The following MECOM variants were observed in gnomAD, a reference collection of about 807,000 sequenced individuals.
MECOM encodes the protein MDS1 and EVI1 complex locus, also known as histone-lysine N-methyltransferase MECOM.
Under a neutral mutation model 116.3 loss-of-function variants are expected in MECOM, and 13 were observed. The ratio of observed to expected loss-of-function variants is 0.11; its 90% CI spans 0.07 to 0.18. MECOM has a LOEUF of 0.18. Among genes scored for constraint, MECOM ranks in the 10% least tolerant of loss-of-function variants. The pLI is 1.00. For synonymous variants in MECOM, 528 were observed against 535.2 expected (o/e 0.99, Z 0.19); for missense variants, 1,299 against 1,509.0 (o/e 0.86, Z 2.31).
chr3:169,206,624 G>A (rs1442601949), intron 2 of MECOM, among the ~76,000 whole-genome samples: 1 of 151,850 alleles, frequency 6.6e-6, no homozygotes, highest in African/African-American at 2.4e-5. Flanking sequence ...ATGGGGGCGG[G>A]TGCCTATAAT....
At chr3:169,605,088 ACT>A (rs923142219) in intron 1 of MECOM, among the ~76,000 whole-genome samples, 1 of 152,158 alleles carries the variant, frequency 6.6e-6, no homozygotes, top group Admixed American at 6.5e-5. Context: ...AGGTCAGAAA[ACT>A]CTGAGTGGGA....
At chr3:169,598,016 G>C (rs980896239) in intron 1 of MECOM, among the ~76,000 whole-genome samples, 8 of 152,138 alleles carry the variant, frequency 5.3e-5, no homozygotes, top group African/African-American at 1.9e-4. Context: ...AGTTGTCCAA[G>C]CTTTTGCCCC....
chr3:169,104,916 G>A (rs140135141), intron 10 of MECOM, among the ~76,000 whole-genome samples: 78 of 152,212 alleles, frequency 5.1e-4, no homozygotes, highest in African/African-American at 1.8e-3. Context: ...GGGCTTGATG[G>A]CTAAATAATG....
chr3:169,551,180 C>A (rs74519809), intron 1 of MECOM, among the ~76,000 whole-genome samples: 25,185 of 151,986 alleles, frequency 0.17, 2,426 homozygotes, highest in East Asian at 0.37. Flanking sequence ...CCTAAATAAT[C>A]CACTGACTTG....
At chr3:169,617,365 A>G (rs1770141425) in intron 1 of MECOM, among the ~76,000 whole-genome samples, 1 of 152,244 alleles carries the variant, frequency 6.6e-6, no homozygotes, top group African/African-American at 2.4e-5. Context: ...CAATGTTTAC[A>G]TAAATCACCT....
chr3:169,572,221 C>G (rs1357321427), intron 1 of MECOM, among the ~76,000 whole-genome samples: 1 of 152,108 alleles, frequency 6.6e-6, no homozygotes, highest in Non-Finnish European at 1.5e-5. Flanking sequence ...ATTTATGCAG[C>G]CAACAAACAT....
At chr3:169,239,206 T>G (rs879272853) in intron 2 of MECOM, among the ~76,000 whole-genome samples, 1 of 152,126 alleles carries the variant, frequency 6.6e-6, no homozygotes, top group Non-Finnish European at 1.5e-5. Context: ...GTTTAATCCT[T>G]TTTTCTTAAA....
rs116289088 is a variant in MECOM at position 169,215,918 on chromosome 3, T to C, written c.376-72086A>G. On this transcript the variant is annotated intron_variant, in intron 2 of 16. Transcript: ENST00000651503. ...AGCAGTTTTCGCTCTTCCAGGCAAT[T>C]TGGCCCTTGATTTCAAACAAATGCA... Among the ~76,000 whole-genome samples, 1,358 of 152,316 alleles carry C rather than the reference T, an allele frequency of 8.9e-3. 29 individuals are homozygous for C. Among genetic ancestry groups the C allele is most frequent in the African/African-American group, 0.032 (1,317 of 41,572 alleles).
chr3:169,324,616 T>C (rs554857022), intron 2 of MECOM, among the ~76,000 whole-genome samples: 3 of 152,350 alleles, frequency 2.0e-5, no homozygotes, highest in African/African-American at 7.2e-5. Flanking sequence ...AGCTAATGAC[T>C]AGAAGAAAGG....
At position 169,595,312 on chromosome 3, in the gene MECOM, C is replaced by T. The variant is rs561969209; in HGVS notation, c.37+68024G>A. ...TCTCTAAAAGCATACTACCCACCAA[C>T]GACTACCTAATTTAGCAGAATATAT... On this transcript the variant is annotated intron_variant, in intron 1 of 16. Transcript: ENST00000651503. 1.9e-4 allele frequency among the ~76,000 whole-genome samples: 29 copies of T among 152,154 alleles called. 1 individual carries two copies. The Middle Eastern group carries it at 9.5e-3, about 50-fold the overall frequency.
At chr3:169,453,831 C>A (rs1245929803) in intron 1 of MECOM, among the ~76,000 whole-genome samples, 1 of 152,066 alleles carries the variant, frequency 6.6e-6, no homozygotes, top group Non-Finnish European at 1.5e-5. Flanking sequence ...TAGGATCCCA[C>A]AATGGCCATA....
intron 2 of MECOM, 125 bp downstream of exon 2, chr3:169,381,062 A>G: frequency 1.2e-6 from 1 of 848,248 alleles, no homozygotes; most frequent in South Asian, 1.9e-5. Context: ...AAGGAAGTTT[A>G]TTCTTAAAAA....
intron 1 of MECOM, among the ~76,000 whole-genome samples, chr3:169,428,555 C>A (rs1741101340): frequency 6.6e-6 from 1 of 152,156 alleles, no homozygotes; most frequent in Non-Finnish European, 1.5e-5. Flanking sequence ...TGCAGGATTG[C>A]AGACCCCTGC....
At chr3:169,584,347 C>G (rs558270504) in intron 1 of MECOM, among the ~76,000 whole-genome samples, 5 of 151,508 alleles carry the variant, frequency 3.3e-5, no homozygotes, top group Admixed American at 3.3e-4. Flanking sequence ...GGGCGGATCA[C>G]GAGGTCTGGA....
intron 2 of MECOM, among the ~76,000 whole-genome samples, chr3:169,195,508 A>T (rs1185139424): frequency 1.3e-5 from 2 of 152,130 alleles, no homozygotes; most frequent in African/African-American, 4.8e-5. Context: ...CTAGGCTCAC[A>T]ATCATTTCTT....
chr3:169,643,964 C>G (rs1773818121), intron 1 of MECOM, among the ~76,000 whole-genome samples: 1 of 152,096 alleles, frequency 6.6e-6, no homozygotes, highest in African/African-American at 2.4e-5. Context: ...AATAGGTAAG[C>G]CAGCATTCTC....
At chr3:169,629,790 G>A (rs540768332) in intron 1 of MECOM, among the ~76,000 whole-genome samples, 6 of 152,292 alleles carry the variant, frequency 3.9e-5, no homozygotes, top group African/African-American at 1.4e-4. Flanking sequence ...TGCCACGAAG[G>A]CCCATTTCCT....
At chr3:169,532,103 A>G (rs1576747311) in intron 1 of MECOM, among the ~76,000 whole-genome samples, 2 of 152,356 alleles carry the variant, frequency 1.3e-5, no homozygotes, top group East Asian at 3.9e-4. Flanking sequence ...AGAGGCCCTT[A>G]GCAATTGTTA....
intron 3 of MECOM, chr3:169,131,976 C>A (rs1044278756): frequency 1.0e-6 from 1 of 993,782 alleles, no homozygotes; most frequent in African/African-American, 1.7e-5. Flanking sequence ...AAAAGTAGCG[C>A]CTTCTCAACA....
Sources: gnomAD v4.1 joint callset for allele counts (sites outside exome capture counted in the v4.1 genomes callset) on GRCh38, gnomAD v4.1.1 for gene constraint, MANE v1.5 for transcripts, NCBI Gene and HGNC (gene_info 2026-07-23, HGNC 2026-07-21) for gene names.